ATP8A1: variants seen among roughly 807,000 people sequenced by gnomAD.
The protein encoded by ATP8A1 is ATPase phospholipid transporting 8A1.
A neutral mutation model predicts 177.7 loss-of-function variants in ATP8A1; 90 were observed. That is an observed-to-expected ratio of 0.51 (90% CI 0.43 to 0.60). The LOEUF is 0.60. Among genes scored for constraint, ATP8A1 ranks in the 20% least tolerant of loss-of-function variants. ATP8A1 has a pLI of 0.00. For synonymous variants in ATP8A1, 493 were observed against 485.9 expected (o/e 1.01, Z -0.19); for missense variants, 1,072 against 1,392.8 (o/e 0.77, Z 3.67).
At chr4:42,541,302 A>AAATTAAGCC (rs1177453005) in intron 20 of ATP8A1, among the ~76,000 whole-genome samples, 14 of 152,214 alleles carry the variant, frequency 9.2e-5, no homozygotes, top group Admixed American at 6.5e-4. Flanking sequence ...AGGGAACTGG[A>AAATTAAGCC]AATTAAGCCA....
rs763531445 is a variant in ATP8A1 at position 42,627,118 on chromosome 4, G to C, written c.50-9C>G. The C allele has an allele frequency of 1.9e-5, 31 of 1,594,582 alleles. No homozygotes were observed. The highest frequency in any genetic ancestry group is 2.7e-5 in the Non-Finnish European group (31 of 1,162,954). On this transcript the variant is annotated splice_polypyrimidine_tract_variant and intron_variant, in intron 1 of 36. Coordinates refer to ENST00000381668, the MANE Select transcript of ATP8A1 (RefSeq NM_006095.2). ...ATCTGTCTTCTCATAACCTTAAAAA[G>C]AGATCTTCTTATTGTACAAGAAATG...
chr4:42,607,081 C>T lies in ATP8A1; in HGVS notation c.410-6563G>A, dbSNP rs542733897. 7.2e-5 allele frequency among the ~76,000 whole-genome samples: 11 copies of T among 152,286 alleles called. No homozygotes were observed. The South Asian group carries it at 8.3e-4, about 11-fold the overall frequency. On this transcript the variant is annotated intron_variant, in intron 5 of 36. Transcript: ENST00000381668. ...TTGGAATCCTAACTAAATAGAGTAA[C>T]GCTTCTTTGAAAATATTACAGAACC...
At chr4:42,456,107 T>C (rs1027909357) in intron 27 of ATP8A1, among the ~76,000 whole-genome samples, 1 of 152,220 alleles carries the variant, frequency 6.6e-6, no homozygotes, top group African/African-American at 2.4e-5. Flanking sequence ...GAAACCTGCA[T>C]ATAGAGAGTG....
chr4:42,629,987 T>C (rs186081745), intron 1 of ATP8A1, among the ~76,000 whole-genome samples: 1 of 152,374 alleles, frequency 6.6e-6, no homozygotes, highest in Admixed American at 6.5e-5. Context: ...GGTAGCAATT[T>C]TGATCTCACA....
intron 9 of ATP8A1, among the ~76,000 whole-genome samples, chr4:42,582,312 C>G (rs1284734163): frequency 6.6e-6 from 1 of 152,118 alleles, no homozygotes; most frequent in Non-Finnish European, 1.5e-5. Flanking sequence ...GCAGCCTGAG[C>G]AAGCTAATAC....
chr4:42,492,904 C>T (rs1384155824), intron 24 of ATP8A1, among the ~76,000 whole-genome samples: 1 of 152,180 alleles, frequency 6.6e-6, no homozygotes, highest in Non-Finnish European at 1.5e-5. Flanking sequence ...GTTTTTACTT[C>T]CCTTCCTTAG....
At chr4:42,476,955 T>C (rs1182735730) in intron 25 of ATP8A1, among the ~76,000 whole-genome samples, 1 of 152,238 alleles carries the variant, frequency 6.6e-6, no homozygotes, top group African/African-American at 2.4e-5. Flanking sequence ...ACTGATTTTA[T>C]ATATGTCTGT....
At chr4:42,450,836 AAG>A (rs2153177677) in intron 30 of ATP8A1, among the ~76,000 whole-genome samples, 1 of 152,320 alleles carries the variant, frequency 6.6e-6, no homozygotes, top group Admixed American at 6.5e-5. Context: ...TCAATTTTAA[AAG>A]AGTTTTGAGA....
At chr4:42,426,943 A>G (rs1044432602) in intron 33 of ATP8A1, among the ~76,000 whole-genome samples, 3 of 152,242 alleles carry the variant, frequency 2.0e-5, no homozygotes, top group African/African-American at 7.2e-5. Flanking sequence ...CTACACCGGC[A>G]TAATATATTA....
At chr4:42,572,105 C>T (rs1490233806) in intron 14 of ATP8A1, among the ~76,000 whole-genome samples, 2 of 152,152 alleles carry the variant, frequency 1.3e-5, no homozygotes, top group Admixed American at 1.3e-4. Flanking sequence ...CAGCTCTGCA[C>T]TTGTAACACC....
rs1233662377 is a variant in ATP8A1, at chr4:42,624,604, A to G, written c.295T>C (p.Tyr99His). The G allele has an allele frequency of 1.4e-6, 2 of 1,478,616 alleles. No homozygotes were observed. The highest frequency in any genetic ancestry group is 1.5e-5 in the South Asian group (1 of 64,600). 91.6% of individuals were successfully genotyped at this position (1,478,616 alleles called of 1,614,324 possible). A position where few individuals can be genotyped will look rare whatever the true frequency, so the allele number is the denominator to read the frequency against. ...AATAAGAGAGGAACCAGTGTTGTAT[A>G]ACGACCTGTTGGTGACACATCAGGT... ...QIPDVSPTGR[Y>H]TTLVPLLFIL... The change falls in exon 4 of 37, where the codon TAT (tyrosine) becomes CAT (histidine). Residue 99 changes from tyrosine to histidine, a missense_variant. By Grantham distance (83) the Tyr-to-His change is moderately conservative. Around this residue, in one of 5 missense-constraint regions of ATP8A1, gnomAD observed 344 missense variants for 393.5 expected, o/e 0.87. Transcript: ENST00000381668.
chr4:42,478,004 AT>A (rs1369279289), intron 25 of ATP8A1, among the ~76,000 whole-genome samples: 7 of 151,974 alleles, frequency 4.6e-5, no homozygotes, highest in Non-Finnish European at 8.8e-5. Flanking sequence ...CAAACAAAAA[AT>A]AAATTCGTTC....
chr4:42,590,933 A>G (rs1253147531), intron 6 of ATP8A1, 49 bp from the exon 7 acceptor site: 1 of 1,454,388 alleles, frequency 6.9e-7, no homozygotes, highest in South Asian at 1.2e-5. Context: ...AAAAAAATGA[A>G]CAGAGGAAAA....
intron 33 of ATP8A1, among the ~76,000 whole-genome samples, chr4:42,434,186 A>T (rs577427361): frequency 9.1e-4 from 139 of 152,220 alleles, no homozygotes; most frequent in African/African-American, 3.0e-3. Flanking sequence ...AGTAAAAAAA[A>T]TTTTTTTCAT....
chr4:42,471,724 T>A (rs1000589894), intron 25 of ATP8A1: 2 of 286,038 alleles, frequency 7.0e-6, no homozygotes, highest in Non-Finnish European at 1.4e-5. Flanking sequence ...TCTAGTTATA[T>A]TGAACCTAGC....
intron 22 of ATP8A1, among the ~76,000 whole-genome samples, chr4:42,510,476 T>G (rs1407064081): frequency 2.0e-5 from 3 of 152,134 alleles, no homozygotes; most frequent in Non-Finnish European, 4.4e-5. Flanking sequence ...CCAGTGAAGA[T>G]CAGGATATAG....
chr4:42,574,542 A>G, intron 14 of ATP8A1, 77 bp downstream of exon 14: 2 of 1,206,042 alleles, frequency 1.7e-6, no homozygotes, highest in East Asian at 2.4e-5. Context: ...CTCCCCTAAT[A>G]AGAACTCCCA....
chr4:42,507,729 C>CAAAAAAAAAAAAAAAAAAAA (rs34269384), intron 22 of ATP8A1, among the ~76,000 whole-genome samples: 1 of 8,908 alleles, frequency 1.1e-4, no homozygotes, highest in Non-Finnish European at 2.6e-4. Context: ...GACTCCATCT[C>CAAAAAAAAAAAAAAAAAAAA]AAAAAAAAAA....
chr4:42,423,502 T>C (rs1359981546), intron 34 of ATP8A1, 115 bp downstream of exon 34: 9 of 555,626 alleles, frequency 1.6e-5, no homozygotes, highest in Non-Finnish European at 2.4e-5. Context: ...AATTAAGTAA[T>C]ATTACCAGTC....
Sources: gnomAD v4.1 joint callset for allele counts (sites outside exome capture counted in the v4.1 genomes callset) on GRCh38, gnomAD v4.1.1 for gene constraint, gnomAD v4.1.1 regional missense constraint, MANE v1.5 for transcripts, NCBI Gene and HGNC (gene_info 2026-07-23, HGNC 2026-07-21) for gene names.